The following TMC1 variants were observed in gnomAD, a reference collection of about 807,000 sequenced individuals.
TMC1 encodes transmembrane channel-like protein 1.
A neutral mutation model predicts 105.8 loss-of-function variants in TMC1; 84 were observed. The observed-to-expected ratio is 0.79, with a 90% CI of 0.67 to 0.95. The LOEUF is 0.95. Among genes scored for constraint, TMC1 ranks in the 40% least tolerant of loss-of-function variants. The probability of loss-of-function intolerance (pLI) is 0.00; values close to 1 mark genes in which losing one functional copy is unlikely to be tolerated. For missense variants in TMC1, 817 were observed against 914.1 expected (o/e 0.89, Z 1.37); for synonymous variants, 315 against 311.5 (o/e 1.01, Z -0.12).
chr9:72,722,358 A>C, intron 8 of TMC1, among the ~76,000 whole-genome samples: 1 of 152,158 alleles, frequency 6.6e-6, no homozygotes, highest in East Asian at 1.9e-4. Flanking sequence ...CATGCCAGGT[A>C]CCTGTTATCA....
chr9:72,669,955 G>C (rs937452540), intron 5 of TMC1, among the ~76,000 whole-genome samples: 6 of 152,202 alleles, frequency 3.9e-5, no homozygotes, highest in African/African-American at 1.4e-4. Flanking sequence ...ACTGCCTGGA[G>C]AGAGATTCCA....
chr9:72,774,340 T>G, intron 13 of TMC1, among the ~76,000 whole-genome samples: 1 of 152,200 alleles, frequency 6.6e-6, no homozygotes, highest in East Asian at 1.9e-4. Flanking sequence ...TTGCTTTAAC[T>G]CAATATATCA....
At chr9:72,684,178 C>A (rs1826338651) in intron 5 of TMC1, among the ~76,000 whole-genome samples, 1 of 152,100 alleles carries the variant, frequency 6.6e-6, no homozygotes, top group Non-Finnish European at 1.5e-5. Context: ...TCTCAATTCT[C>A]ATTAGATCTT....
At chr9:72,567,300 A>G (rs543007077) in intron 1 of TMC1, among the ~76,000 whole-genome samples, 2 of 152,174 alleles carry the variant, frequency 1.3e-5, no homozygotes, top group Admixed American at 1.3e-4. Context: ...CTTCTCAAAT[A>G]TGTCTTCTTT....
intron 18 of TMC1, among the ~76,000 whole-genome samples, chr9:72,810,807 T>G (rs1564570731): frequency 6.6e-6 from 1 of 152,172 alleles, no homozygotes; most frequent in Non-Finnish European, 1.5e-5. Flanking sequence ...GTCTAATTAT[T>G]CTTATGATAA....
chr9:72,621,329 C>A (rs755366308), intron 3 of TMC1, among the ~76,000 whole-genome samples: 1 of 152,084 alleles, frequency 6.6e-6, no homozygotes, highest in Non-Finnish European at 1.5e-5. Flanking sequence ...ATTGACTCCC[C>A]CTGTGTGCCT....
intron 2 of TMC1, among the ~76,000 whole-genome samples, chr9:72,585,550 A>G (rs1272412092): frequency 2.0e-5 from 3 of 152,322 alleles, no homozygotes; most frequent in South Asian, 4.1e-4. Context: ...CCAATGACAG[A>G]CATTAACTGG....
chr9:72,746,182 C>T (rs1246275402), intron 10 of TMC1, among the ~76,000 whole-genome samples: 1 of 152,074 alleles, frequency 6.6e-6, no homozygotes, highest in African/African-American at 2.4e-5. Context: ...GCCATTTAAT[C>T]TTACAAAAGG....
Position 72,743,960 on chromosome 9 carries a change from T to C in TMC1, c.535+1435T>C, listed in dbSNP as rs1418598729. Among the ~76,000 whole-genome samples, 6 of 152,228 alleles carry C rather than the reference T, an allele frequency of 3.9e-5. No individual in the cohort carries two copies. The East Asian group carries it at 1.2e-3, about 29-fold the overall frequency. ...TGATTTCCATCCATTCCTCTCTAGA[T>C]TGGAGGCAGGTTTTCCTGCTGGTTA... On this transcript the variant is annotated intron_variant, in intron 10 of 23. Coordinates refer to ENST00000297784, the MANE Select transcript of TMC1 (RefSeq NM_138691.3).
chr9:72,806,642 G>GCTGCAATCTCGGCAC (rs1828597288), intron 18 of TMC1, among the ~76,000 whole-genome samples: 1 of 151,178 alleles, frequency 6.6e-6, no homozygotes, highest in African/African-American at 2.4e-5. Flanking sequence ...CCGGGCAGAG[G>GCTGCAATCTCGGCAC]TGCTCCTCAC....
At chr9:72,558,890 GT>G (rs1823993180) in intron 1 of TMC1, among the ~76,000 whole-genome samples, 1 of 151,698 alleles carries the variant, frequency 6.6e-6, no homozygotes, top group Non-Finnish European at 1.5e-5. Context: ...TTTTCAAAAA[GT>G]TGTGTAATTC....
intron 17 of TMC1, among the ~76,000 whole-genome samples, chr9:72,795,274 C>T (rs989225802): frequency 6.6e-6 from 1 of 152,162 alleles, no homozygotes; most frequent in East Asian, 1.9e-4. Flanking sequence ...TCTTTGCTAA[C>T]AGTCAAATTT....
intron 5 of TMC1, among the ~76,000 whole-genome samples, chr9:72,659,944 A>C (rs1305806913): frequency 6.6e-6 from 1 of 152,266 alleles, no homozygotes; most frequent in Non-Finnish European, 1.5e-5. Context: ...GTTCAAAATC[A>C]TTGCTTTCTA....
At chr9:72,619,918 T>G (rs1291780043) in intron 3 of TMC1, among the ~76,000 whole-genome samples, 1 of 151,882 alleles carries the variant, frequency 6.6e-6, no homozygotes, top group Admixed American at 6.6e-5. Context: ...CACTGCAACC[T>G]CCACCTCCTG....
chr9:72,617,620 T>A (rs1005312863), intron 3 of TMC1, among the ~76,000 whole-genome samples: 4 of 152,086 alleles, frequency 2.6e-5, no homozygotes, highest in African/African-American at 7.2e-5. Context: ...CACACAGGCA[T>A]TTATATAAAT....
intron 4 of TMC1, among the ~76,000 whole-genome samples, chr9:72,631,998 G>A (rs1054888035): frequency 2.6e-4 from 39 of 152,322 alleles, no homozygotes; most frequent in African/African-American, 8.4e-4. Context: ...GCATTAGTCC[G>A]TCCTTGCATT....
intron 4 of TMC1, among the ~76,000 whole-genome samples, chr9:72,639,359 C>A (rs1315326139): frequency 4.6e-5 from 7 of 152,196 alleles, no homozygotes. Flanking sequence ...TGAAACACGG[C>A]CCACACAATT....
intron 5 of TMC1, among the ~76,000 whole-genome samples, chr9:72,674,335 A>G (rs1826168924): frequency 6.6e-6 from 1 of 152,088 alleles, no homozygotes; most frequent in Admixed American, 6.6e-5. Flanking sequence ...GAGGCAAACT[A>G]TCTTTGAAAA....
At chr9:72,830,418 C>T (rs376999203) in intron 21 of TMC1, 33 bp from the exon 22 acceptor site, 2 of 1,461,240 alleles carry the variant, frequency 1.4e-6, no homozygotes, top group African/African-American at 2.8e-5. Context: ...CTGAAATATA[C>T]CTTACACTGT....
Sources: allele counts gnomAD v4.1 joint callset (sites outside exome capture counted in the v4.1 genomes callset), GRCh38; gene constraint gnomAD v4.1.1; transcripts MANE v1.5; gene names NCBI Gene and HGNC (gene_info 2026-07-23, HGNC 2026-07-21).